MROH1: variants seen among roughly 807,000 people sequenced by gnomAD.
MROH1 encodes maestro heat like repeat family member 1.
In MROH1, 117 loss-of-function variants were observed where a neutral mutation model predicts 116.5. The ratio of observed to expected loss-of-function variants is 1.00; its 90% CI spans 0.86 to 1.17. The LOEUF is 1.17. Among genes scored for constraint, MROH1 ranks in the 50% most tolerant of loss-of-function variants. The pLI is 0.00. For synonymous variants in MROH1, 921 were observed against 583.9 expected (o/e 1.58, Z -8.32); for missense variants, 1,873 against 1,338.5 (o/e 1.40, Z -6.23).
At chr8:144,259,582 A>ACT (rs1392736639) in intron 37 of MROH1, among the ~76,000 whole-genome samples, 4 of 152,022 alleles carry the variant, frequency 2.6e-5, no homozygotes, top group Admixed American at 2.6e-4. Context: ...TGCAGCCTGT[A>ACT]CTCTCCCCAA....
intron 10 of MROH1, among the ~76,000 whole-genome samples, chr8:144,197,758 T>C (rs1564453279): frequency 3.4e-5 from 5 of 146,808 alleles, no homozygotes; most frequent in African/African-American, 1.2e-4. Context: ...TTTATGATCA[T>C]ATTTGGTCTT....
chr8:144,179,320 C>G (rs951007212), intron 4 of MROH1, 135 bp from the exon 5 acceptor site: 29 of 1,279,816 alleles, frequency 2.3e-5, no homozygotes, highest in Non-Finnish European at 2.9e-5. Flanking sequence ...GAGGAGTGAT[C>G]AGGTGTACCC....
At chr8:144,158,201 C>T (rs954491516) in intron 1 of MROH1, among the ~76,000 whole-genome samples, 45 of 151,858 alleles carry the variant, frequency 3.0e-4, no homozygotes, top group African/African-American at 1.1e-3. Context: ...CCATACTGGC[C>T]GGGCTGGTCT....
chr8:144,261,262 G>A (rs1208341050), intron 42 of MROH1, 22 bp from the exon 43 acceptor site: 63 of 505,844 alleles, frequency 1.2e-4, no homozygotes, highest in African/African-American at 2.7e-4. Flanking sequence ...CGGCAGCCCC[G>A]CCTGATGCCC....
At chr8:144,152,839 G>A (rs950507648) in intron 1 of MROH1, among the ~76,000 whole-genome samples, 7 of 152,136 alleles carry the variant, frequency 4.6e-5, no homozygotes, top group African/African-American at 9.7e-5. Context: ...GAGCCACTGC[G>A]CCTGGCCATG....
chr8:144,196,482 G>A (rs970000379), intron 10 of MROH1, among the ~76,000 whole-genome samples: 6 of 150,968 alleles, frequency 4.0e-5, no homozygotes, highest in African/African-American at 9.7e-5. Context: ...TCAGCCTCCC[G>A]AGTAGCTGGG....
At chr8:144,177,265 T>C (rs932478261) in intron 4 of MROH1, among the ~76,000 whole-genome samples, 2 of 152,178 alleles carry the variant, frequency 1.3e-5, no homozygotes, top group African/African-American at 4.8e-5. Context: ...ATTCTGAACA[T>C]GTATGCCACA....
chr8:144,253,883 G>A (rs1359697248), intron 33 of MROH1, among the ~76,000 whole-genome samples: 2 of 151,796 alleles, frequency 1.3e-5, no homozygotes, highest in Admixed American at 6.6e-5. Context: ...TCCTAGCACC[G>A]CATCTGTCCA....
chr8:144,168,492 G>A, intron 4 of MROH1, 52 bp downstream of exon 4: 3 of 1,549,704 alleles, frequency 1.9e-6, no homozygotes, highest in Non-Finnish European at 2.6e-6. Flanking sequence ...GGTCGGTTGG[G>A]GCTTACTTGG....
At position 144,243,970 on chromosome 8, in the gene MROH1, C is replaced by T. The variant is rs914908913; in HGVS notation, c.2555+28C>T. On this transcript the variant is annotated intron_variant, in intron 26 of 43. Coordinates refer to ENST00000326134, the MANE Select transcript of MROH1 (RefSeq NM_032450.3). ...ATCCTTTCCTGCCTCTGCACAGGCC[C>T]GTGCAGCTGCGTGTGTGCGTGCATG... 3.3e-4 allele frequency: 254 copies of T among 775,122 alleles called. 3 individuals are homozygous for T. The East Asian group carries it at 5.3e-3, about 16-fold the overall frequency. The allele number at this position is 775,122 out of a possible 1,614,324, so 48.0% of individuals were successfully genotyped here.
chr8:144,243,348 C>A, intron 24 of MROH1, 146 bp from the exon 25 acceptor site: 1 of 673,940 alleles, frequency 1.5e-6, no homozygotes, highest in South Asian at 1.6e-5. Flanking sequence ...TCCACATGGA[C>A]TTTGATAAGC....
chr8:144,240,428 AG>A, intron 19 of MROH1, 141 bp from the exon 20 acceptor site: 1 of 688,004 alleles, frequency 1.5e-6, no homozygotes, highest in Non-Finnish European at 2.7e-6. Context: ...CTGTCCCCTG[AG>A]GGTTGGCTCT....
chr8:144,241,720 C>A (rs1841015900), intron 22 of MROH1, among the ~76,000 whole-genome samples: 1 of 152,354 alleles, frequency 6.6e-6, no homozygotes, highest in Non-Finnish European at 1.5e-5. Context: ...CGGAGGCAAA[C>A]GTAGCTGTGG....
rs559456228 is a variant in MROH1, at chr8:144,168,301, C to T, written c.29C>T (p.Ala10Val). ...CCAGGCTTTGTCGCTGCAGAGCTGG[C>T]CTCCACCCTGCTGGACGCCATCACC... The part of the protein sequence containing the change: MTESSMKKL[A>V]STLLDAITDK... The change falls in exon 4 of 44, where the codon GCC (alanine) becomes GTC (valine). Residue 10 changes from alanine to valine, a missense_variant. By Grantham distance (64) the Ala-to-Val change is moderately conservative. Coordinates refer to ENST00000326134, the MANE Select transcript of MROH1 (RefSeq NM_032450.3). The T allele has an allele frequency of 2.9e-5, 46 of 1,601,390 alleles. No individual in the cohort carries two copies. Among genetic ancestry groups the T allele is most frequent in the African/African-American group, 6.7e-5 (5 of 74,808 alleles).
At chr8:144,243,394 G>A (rs1841348867) in intron 24 of MROH1, 100 bp from the exon 25 acceptor site, 3 of 734,492 alleles carry the variant, frequency 4.1e-6, no homozygotes, top group African/African-American at 3.4e-5. Context: ...TGAGAGCAGA[G>A]TGCAGCACTT....
intron 12 of MROH1, among the ~76,000 whole-genome samples, chr8:144,207,479 G>A (rs867326112): frequency 5.9e-5 from 9 of 151,952 alleles, no homozygotes; most frequent in African/African-American, 1.9e-4. Context: ...GAGCCACCAC[G>A]CCCGACCCCT....
At chr8:144,187,106 AAAAC>A (rs1255702763) in intron 7 of MROH1, among the ~76,000 whole-genome samples, 1 of 151,304 alleles carries the variant, frequency 6.6e-6, no homozygotes, top group African/African-American at 2.4e-5. Context: ...CAAAAAAAAA[AAAAC>A]AAAACAAAAC....
chr8:144,170,085 G>A (rs1291178673), intron 4 of MROH1, among the ~76,000 whole-genome samples: 1 of 152,144 alleles, frequency 6.6e-6, no homozygotes, highest in South Asian at 2.1e-4. Context: ...TGCCAGCCTC[G>A]GCCTCCCAGA....
chr8:144,204,411 C>T (rs576256900), intron 12 of MROH1, among the ~76,000 whole-genome samples: 12 of 152,062 alleles, frequency 7.9e-5, no homozygotes, highest in African/African-American at 2.7e-4. Flanking sequence ...GCATCTATGC[C>T]GTCTATGTCA....
Sources: gnomAD v4.1 joint callset for allele counts (sites outside exome capture counted in the v4.1 genomes callset) on GRCh38, gnomAD v4.1.1 for gene constraint, MANE v1.5 for transcripts, NCBI Gene and HGNC (gene_info 2026-07-23, HGNC 2026-07-21) for gene names.